COL4A4: variants seen among roughly 807,000 people sequenced by gnomAD.
The protein encoded by COL4A4 is collagen type IV alpha 4 chain, also known as collagen alpha-4(IV) chain.
A neutral mutation model predicts 192.9 loss-of-function variants in COL4A4; 105 were observed. The observed-to-expected ratio is 0.54, with a 90% CI of 0.46 to 0.64. The LOEUF is 0.64. Among genes scored for constraint, COL4A4 ranks in the 30% least tolerant of loss-of-function variants. The probability of loss-of-function intolerance (pLI) is 0.00; values close to 1 mark genes in which losing one functional copy is unlikely to be tolerated. For synonymous variants in COL4A4, 762 were observed against 769.9 expected, an observed-to-expected ratio of 0.99 and a Z score of 0.17; for missense variants, 1,967 against 2,169.3, an observed-to-expected ratio of 0.91 and a Z score of 1.85.
intron 43 of COL4A4, among the ~76,000 whole-genome samples, chr2:227,023,626 T>C (rs1028603569): frequency 1.3e-5 from 2 of 152,200 alleles, no homozygotes; most frequent in Non-Finnish European, 2.9e-5. Context: ...GAATGCTTTA[T>C]CATGTATCAG....
intron 37 of COL4A4, among the ~76,000 whole-genome samples, chr2:227,036,953 C>T (rs1969810115): frequency 6.6e-6 from 1 of 152,108 alleles, no homozygotes; most frequent in Non-Finnish European, 1.5e-5. Flanking sequence ...CATATTCTTT[C>T]CAGTTCTTGT....
the COL4A4 span, among the ~76,000 whole-genome samples, chr2:226,992,170 G>C: frequency 6.6e-6 from 1 of 152,208 alleles, no homozygotes; most frequent in African/African-American, 2.4e-5. Context: ...TGAATGCAAA[G>C]GTGGGGAAGT....
chr2:227,105,081 A>T (rs751830716), intron 12 of COL4A4, among the ~76,000 whole-genome samples: 16 of 151,780 alleles, frequency 1.1e-4, no homozygotes, highest in Non-Finnish European at 2.1e-4. Flanking sequence ...TATAAACATG[A>T]TTTAAAATAT....
chr2:227,160,977 G>GA (rs2064784927), intron 1 of COL4A4, among the ~76,000 whole-genome samples: 2 of 152,200 alleles, frequency 1.3e-5, no homozygotes, highest in Admixed American at 1.3e-4. Flanking sequence ...GAGATGAAAT[G>GA]AAACAAGATT....
At chr2:227,065,793 C>T (rs189025432) in intron 25 of COL4A4, among the ~76,000 whole-genome samples, 161 of 152,354 alleles carry the variant, frequency 1.1e-3, no homozygotes, top group Non-Finnish European at 1.9e-3. Context: ...AGCAGAAAAA[C>T]TGGAAACTCT....
At chr2:227,092,582 T>G (rs890835772) in intron 20 of COL4A4, among the ~76,000 whole-genome samples, 1 of 152,134 alleles carries the variant, frequency 6.6e-6, no homozygotes, top group Non-Finnish European at 1.5e-5. Flanking sequence ...ATGATGAAAT[T>G]TAGATAATTC....
At chr2:227,141,113 T>C (rs2063179709) in intron 3 of COL4A4, among the ~76,000 whole-genome samples, 1 of 152,086 alleles carries the variant, frequency 6.6e-6, no homozygotes, top group Non-Finnish European at 1.5e-5. Context: ...GGCCTGCCAG[T>C]GGGGAGGGAG....
chr2:226,974,871 C>T, the COL4A4 span, among the ~76,000 whole-genome samples: 1 of 152,178 alleles, frequency 6.6e-6, no homozygotes, highest in Non-Finnish European at 1.5e-5. Context: ...GTGCGTGGCT[C>T]AGGGACATCC....
the COL4A4 span, among the ~76,000 whole-genome samples, chr2:226,981,361 A>G: frequency 6.6e-6 from 1 of 152,120 alleles, no homozygotes; most frequent in Non-Finnish European, 1.5e-5. Context: ...AACTTAAAGT[A>G]TAATAAAAAA....
At chr2:227,155,327 T>C (rs2064249796) in intron 1 of COL4A4, among the ~76,000 whole-genome samples, 1 of 152,180 alleles carries the variant, frequency 6.6e-6, no homozygotes, top group Admixed American at 6.5e-5. Flanking sequence ...ATTATCATTT[T>C]CCCCTTGAGG....
chr2:227,124,151 C>G (rs2061958092), intron 4 of COL4A4, among the ~76,000 whole-genome samples: 2 of 152,094 alleles, frequency 1.3e-5, no homozygotes, highest in Non-Finnish European at 2.9e-5. Flanking sequence ...AACAAAAGAA[C>G]AGACACTTTC....
chr2:227,126,302 T>C (rs1257235623), intron 4 of COL4A4, among the ~76,000 whole-genome samples: 1 of 152,180 alleles, frequency 6.6e-6, no homozygotes, highest in Non-Finnish European at 1.5e-5. Context: ...CAATTCCTCA[T>C]GGATGCAAAG....
rs1385996000 is a variant in COL4A4 at position 227,042,191 on chromosome 2, G to A, written c.3462C>T (p.Gly1154=). 6.2e-7 allele frequency: 1 copy of A among 1,613,388 alleles called. No homozygotes were observed. Among genetic ancestry groups the A allele is most frequent in the Non-Finnish European group, 8.5e-7 (1 of 1,179,336 alleles). ...CTGGTATCCCTGGATCCCCCTGGAG[G>A]CCTCTTGGCCCAGGGTCTCCCATTT... is the stretch of plus-strand genomic sequence containing the variant. ...PGEMGDPGPR[G]LQGDPGIPGP... Residue 1154 remains glycine (G), a synonymous_variant, in exon 37 of 48, where the codon GGC becomes GGT. Transcript: ENST00000396625.
In COL4A4 at chr2:227,114,591, A is replaced by G. The variant is rs541278152; in HGVS notation, c.558+37T>C. 41 of 1,570,214 alleles carry G rather than the reference A, an allele frequency of 2.6e-5. No individual in the cohort carries two copies. The East Asian group carries it at 9.2e-4, about 35-fold the overall frequency. ...CTGCATGGGCTTACCTATTTGGAAGAAAAAATTTTTTAACCCATCATGATC... is the reference window on the plus strand; with the variant it reads ...CTGCATGGGCTTACCTATTTGGAAGGAAAAATTTTTTAACCCATCATGATC... On this transcript the variant is annotated intron_variant, in intron 8 of 47. Transcript: ENST00000396625.
At chr2:227,152,160 C>A (rs1357107626) in intron 1 of COL4A4, among the ~76,000 whole-genome samples, 1 of 152,156 alleles carries the variant, frequency 6.6e-6, no homozygotes, top group African/African-American at 2.4e-5. Context: ...CTCATTCAGC[C>A]CCCAGACAGT....
chr2:226,968,626 G>A, the COL4A4 span, among the ~76,000 whole-genome samples: 3 of 152,152 alleles, frequency 2.0e-5, no homozygotes, highest in Non-Finnish European at 2.9e-5. Flanking sequence ...AAAGAGCATC[G>A]CACTTGGAGA....
In COL4A4 at chr2:227,057,504, G is replaced by T; in HGVS notation, c.2480C>A (p.Ser827Tyr). ...TATCCCTGGAGCACCTCTTTCACAGGAATGGCCAGGTGGACCTGGGACACC... is the reference window on the plus strand; with the variant it reads ...TATCCCTGGAGCACCTCTTTCACAGTAATGGCCAGGTGGACCTGGGACACC... ...FPGVPGPPGH[S>Y]CERGAPGIPG... The change falls in exon 29 of 48, where the codon TCC (serine) becomes TAC (tyrosine). Residue 827 changes from serine to tyrosine, a missense_variant. By Grantham distance (144) the Ser-to-Tyr change is moderately radical. Coordinates refer to ENST00000396625, the MANE Select transcript of COL4A4 (RefSeq NM_000092.5). The T allele has an allele frequency of 6.2e-7, 1 of 1,613,356 alleles. No homozygotes were observed. Among genetic ancestry groups the T allele is most frequent in the African/African-American group, 1.3e-5 (1 of 75,050 alleles).
chr2:227,157,488 T>A (rs1426892022), intron 1 of COL4A4, among the ~76,000 whole-genome samples: 1 of 151,732 alleles, frequency 6.6e-6, no homozygotes, highest in East Asian at 1.9e-4. Context: ...TAGAGAAAAA[T>A]CAATGAAACC....
At chr2:227,089,822 C>T (rs1420975901) in intron 21 of COL4A4, 46 bp downstream of exon 21, 4 of 1,459,360 alleles carry the variant, frequency 2.7e-6, no homozygotes, top group Non-Finnish European at 2.9e-6. Context: ...CCCGATCATC[C>T]ATGTACAGTT....
Sources: allele counts gnomAD v4.1 joint callset (sites outside exome capture counted in the v4.1 genomes callset), GRCh38; gene constraint gnomAD v4.1.1; transcripts MANE v1.5; gene names NCBI Gene and HGNC (gene_info 2026-07-23, HGNC 2026-07-21).